Variants in TESK2 observed in about 807,000 individuals in gnomAD.
TESK2 encodes dual specificity testis-specific protein kinase 2.
Under a neutral mutation model 57.1 loss-of-function variants are expected in TESK2, and 39 were observed. That is an observed-to-expected ratio of 0.68 (90% CI 0.53 to 0.89). The LOEUF (loss-of-function observed/expected upper bound fraction) is 0.89, where lower values mean the gene tolerates loss of function less well. Ranked by LOEUF, TESK2 falls within the 40% of genes least tolerant of loss-of-function variation. The probability of loss-of-function intolerance (pLI) is 0.00; values close to 1 mark genes in which losing one functional copy is unlikely to be tolerated. For missense variants in TESK2, 646 were observed against 732.1 expected (o/e 0.88, Z 1.36); for synonymous variants, 249 against 267.9 (o/e 0.93, Z 0.69).
rs372553058 is a variant in TESK2, at chr1:45,426,156, GA to G, written c.223-4311del. 2.2e-3 allele frequency among the ~76,000 whole-genome samples: 341 copies of G among 151,680 alleles called. 2 individuals carry two copies. The highest frequency in any genetic ancestry group is 8.0e-3 in the African/African-American group (331 of 41,368). On this transcript the variant is annotated intron_variant, in intron 2 of 10. Coordinates refer to ENST00000372086, the MANE Select transcript of TESK2 (RefSeq NM_007170.3). ...ACAGAGCTGAGACTTTGTCTCAAAA[GA>G]AAAAAAGAAAGAAACTGGAGGAATC...
chr1:45,453,867 C>T (rs1283426533), intron 2 of TESK2, among the ~76,000 whole-genome samples: 1 of 151,944 alleles, frequency 6.6e-6, no homozygotes, highest in East Asian at 1.9e-4. Context: ...GATTCAAATA[C>T]ACATTTCTCC....
chr1:45,345,614 A>C (rs1013767824), intron 10 of TESK2, 56 bp from the exon 11 acceptor site: 4 of 1,465,682 alleles, frequency 2.7e-6, no homozygotes, highest in Non-Finnish European at 3.7e-6. Context: ...TACAAGCAGC[A>C]TTTTACCACA....
chr1:45,461,231 G>A (rs1029855019), intron 1 of TESK2, among the ~76,000 whole-genome samples: 1 of 151,898 alleles, frequency 6.6e-6, no homozygotes, highest in African/African-American at 2.4e-5. Context: ...GGCCAGGCAC[G>A]GTGGCTCACA....
chr1:45,461,636 A>G (rs2149301290), intron 1 of TESK2, among the ~76,000 whole-genome samples: 1 of 152,340 alleles, frequency 6.6e-6, no homozygotes, highest in South Asian at 2.1e-4. Context: ...GAAAAAAGAA[A>G]CTTTAGAAAA....
chr1:45,415,064 C>T (rs1338697351), intron 3 of TESK2: 4 of 1,306,740 alleles, frequency 3.1e-6, no homozygotes, highest in African/African-American at 1.5e-5. Flanking sequence ...AGTCAAACAG[C>T]GAGCCCTTGG....
At chr1:45,352,921 A>G (rs1647274685) in intron 5 of TESK2, among the ~76,000 whole-genome samples, 1 of 150,856 alleles carries the variant, frequency 6.6e-6, no homozygotes, top group Admixed American at 6.6e-5. Context: ...TTTTTCCAAG[A>G]CGGAGTCTCG....
chr1:45,479,845 G>A (rs1486883825), intron 1 of TESK2, among the ~76,000 whole-genome samples: 2 of 113,894 alleles, frequency 1.8e-5, no homozygotes, highest in African/African-American at 3.5e-5. Context: ...TTGAGATGGA[G>A]TCTCACTCTG....
chr1:45,388,515 T>C (rs563039801), intron 3 of TESK2, among the ~76,000 whole-genome samples: 12 of 152,260 alleles, frequency 7.9e-5, no homozygotes, highest in South Asian at 2.1e-4. Flanking sequence ...AACATAGATA[T>C]GGTATTATCT....
At chr1:45,385,230 A>T (rs1416598058) in intron 4 of TESK2, 1 of 535,802 alleles carries the variant, frequency 1.9e-6, no homozygotes, top group East Asian at 1.5e-4. Flanking sequence ...TAAACCTAGA[A>T]GATTCCAGGA....
At position 45,385,932 on chromosome 1, in the gene TESK2, G is replaced by A. The variant is rs1366823841; in HGVS notation, c.373C>T (p.Gln125Ter). Reference sequence around the variant, plus strand: ...CTTACCTCTGTAAGTGCATGCAATTGTCCTTGATGAACACATACACCCATG... The same window carrying A: ...CTTACCTCTGTAAGTGCATGCAATTATCCTTGATGAACACATACACCCATG... Reference protein sequence around the residue: ...RFMGVCVHQGQLHALTEYINS... With the variant: ...RFMGVCVHQG The change falls in exon 4 of 11, where the codon CAA becomes TAA. Residue 125 changes from glutamine to a stop codon, truncating the protein, a stop_gained. Coordinates refer to ENST00000372086, the MANE Select transcript of TESK2 (RefSeq NM_007170.3). LOFTEE classifies it high-confidence loss of function. The A allele has an allele frequency of 6.2e-7, 1 of 1,607,426 alleles. No individual in the cohort carries two copies. The highest frequency in any genetic ancestry group is 1.1e-5 in the South Asian group (1 of 90,326).
chr1:45,450,625 G>C (rs1343706065), intron 2 of TESK2, among the ~76,000 whole-genome samples: 1 of 152,018 alleles, frequency 6.6e-6, no homozygotes, highest in Non-Finnish European at 1.5e-5. Context: ...ATAATCAATG[G>C]CATCTTATAT....
intron 2 of TESK2, among the ~76,000 whole-genome samples, chr1:45,429,284 T>C (rs1650847881): frequency 6.6e-6 from 1 of 152,042 alleles, no homozygotes; most frequent in African/African-American, 2.4e-5. Flanking sequence ...TAGTCCCAGC[T>C]ACCTGGGAGG....
At chr1:45,389,002 G>C (rs1426636852) in intron 3 of TESK2, among the ~76,000 whole-genome samples, 1 of 152,050 alleles carries the variant, frequency 6.6e-6, no homozygotes, top group Non-Finnish European at 1.5e-5. Flanking sequence ...TTACAGGCGT[G>C]AGCCACCGCG....
intron 2 of TESK2, among the ~76,000 whole-genome samples, chr1:45,451,335 C>T (rs58224005): frequency 6.6e-6 from 1 of 152,262 alleles, no homozygotes; most frequent in East Asian, 1.9e-4. Context: ...ATTGCTACAT[C>T]CATGTAACTC....
chr1:45,454,112 C>G (rs1249091695), intron 2 of TESK2, among the ~76,000 whole-genome samples: 1 of 151,990 alleles, frequency 6.6e-6, no homozygotes, highest in Non-Finnish European at 1.5e-5. Context: ...TCTGGTGGGT[C>G]CTCAAAAAGT....
At chr1:45,480,638 T>C (rs936807861) in intron 1 of TESK2, among the ~76,000 whole-genome samples, 2 of 151,472 alleles carry the variant, frequency 1.3e-5, no homozygotes, top group African/African-American at 4.8e-5. Context: ...ATCCATTCAA[T>C]GGAATACTAT....
At chr1:45,403,139 C>T (rs890955890) in intron 3 of TESK2, among the ~76,000 whole-genome samples, 2 of 149,906 alleles carry the variant, frequency 1.3e-5, no homozygotes, top group African/African-American at 4.9e-5. Context: ...AAAAAATTAG[C>T]TGGGTGTGGG....
rs546975919 is a variant in TESK2 at position 45,432,770 on chromosome 1, T to A, written c.223-10924A>T. The stretch of plus-strand genomic sequence containing the variant: ...TTGAATATTATAACTTTTTTTTTTT[T>A]TTTTTTTTTTGGAGATGGAGTTTCG... On this transcript the variant is annotated intron_variant, in intron 2 of 10. Transcript: ENST00000372086. 5.5e-3 allele frequency among the ~76,000 whole-genome samples: 763 copies of A among 138,912 alleles called. 11 individuals are homozygous for A. Among genetic ancestry groups the A allele is most frequent in the Middle Eastern group, 0.032 (9 of 282 alleles). 91.1% of individuals were successfully genotyped at this position (138,912 alleles called of 152,430 possible).
At chr1:45,436,538 G>A (rs891242762) in intron 2 of TESK2, among the ~76,000 whole-genome samples, 1 of 134,176 alleles carries the variant, frequency 7.5e-6, no homozygotes, top group Non-Finnish European at 1.5e-5. Context: ...TGCCCAGGCT[G>A]GAGTGCAATG....
Sources: gnomAD v4.1 joint callset for allele counts (sites outside exome capture counted in the v4.1 genomes callset) on GRCh38, gnomAD v4.1.1 for gene constraint, MANE v1.5 for transcripts, NCBI Gene and HGNC (gene_info 2026-07-23, HGNC 2026-07-21) for gene names.